Variants in RUNX1T1 observed in about 807,000 individuals in gnomAD.
The protein encoded by RUNX1T1 is RUNX1 partner transcriptional co-repressor 1.
In RUNX1T1, 4 loss-of-function variants were observed where a neutral mutation model predicts 62.8. The ratio of observed to expected loss-of-function variants is 0.06; its 90% CI spans 0.03 to 0.15. The LOEUF (loss-of-function observed/expected upper bound fraction) is 0.15, where lower values mean the gene tolerates loss of function less well. Ranked by LOEUF, RUNX1T1 falls within the 10% of genes least tolerant of loss-of-function variation. The probability of loss-of-function intolerance (pLI) is 1.00; values close to 1 mark genes in which losing one functional copy is unlikely to be tolerated. For missense variants in RUNX1T1, 508 were observed against 754.3 expected, an observed-to-expected ratio of 0.67 and a Z score of 3.82; for synonymous variants, 291 against 286.0, an observed-to-expected ratio of 1.02 and a Z score of -0.18.
rs117566667 is a variant in RUNX1T1 at position 91,967,203 on chromosome 8, C to T, written c.1458+3455G>A. Among the ~76,000 whole-genome samples, 242 of 152,248 alleles carry T rather than the reference C, an allele frequency of 1.6e-3. 3 individuals carry two copies. In the East Asian group the frequency reaches 0.036, roughly 22 times the overall value. ...TCAGAGTTAAACACTCATCGTAGGT[C>T]GTCTTATTTCATCTCAGGCAAAACA... is the stretch of plus-strand genomic sequence containing the variant. On this transcript the variant is annotated intron_variant, in intron 10 of 10. Transcript: ENST00000396218.
chr8:91,959,438 G>A (rs868482529), exon 11 of RUNX1T1: 2,263 of 120,590 alleles, frequency 0.019, 193 homozygotes, highest in East Asian at 0.17. Flanking sequence ...GTGTGTGTGT[G>A]TGTGTGTGTG....
chr8:91,978,709 C>A (rs1234234750), intron 8 of RUNX1T1, among the ~76,000 whole-genome samples: 1 of 152,144 alleles, frequency 6.6e-6, no homozygotes, highest in South Asian at 2.1e-4. Flanking sequence ...TTTACTTGAG[C>A]CTCACCCATG....
chr8:92,050,975 C>T (rs910675973), intron 1 of RUNX1T1, among the ~76,000 whole-genome samples: 8 of 152,184 alleles, frequency 5.3e-5, no homozygotes, highest in Non-Finnish European at 8.8e-5. Flanking sequence ...CATCACTCAG[C>T]TCTCAGCAAA....
chr8:92,057,817 G>C (rs1455690710), intron 1 of RUNX1T1, among the ~76,000 whole-genome samples: 1 of 152,050 alleles, frequency 6.6e-6, no homozygotes, highest in Non-Finnish European at 1.5e-5. Flanking sequence ...TCTAGATATG[G>C]TTAGCTATCA....
At chr8:92,006,037 A>C (rs1820707142) in intron 4 of RUNX1T1, 2 of 146,772 alleles carry the variant, frequency 1.4e-5, no homozygotes. Context: ...TGTTAGAAGA[A>C]ATCCTGTATA....
chr8:92,007,358 G>A (rs560303792), intron 4 of RUNX1T1, among the ~76,000 whole-genome samples: 27 of 151,936 alleles, frequency 1.8e-4, no homozygotes, highest in African/African-American at 5.8e-4. Flanking sequence ...TCCCAGCTAC[G>A]TGGGAGTCTG....
chr8:92,028,284 A>G lies in RUNX1T1; in HGVS notation c.8-10921T>C, dbSNP rs908409103. ...TCCTTAAGACAGTTCAATAGAGCAA[A>G]TGGTGGTTCTGGACAGAAAAATAAT... On this transcript the variant is annotated intron_variant, in intron 1 of 10. Transcript: ENST00000396218. Among the ~76,000 whole-genome samples the G allele has an allele frequency of 8.6e-5, 13 of 151,974 alleles. 1 individual carries two copies. Among genetic ancestry groups the G allele is most frequent in the Non-Finnish European group, 1.0e-4 (7 of 67,984 alleles).
chr8:92,026,579 TG>T (rs1563788231), intron 1 of RUNX1T1, among the ~76,000 whole-genome samples: 1 of 152,208 alleles, frequency 6.6e-6, no homozygotes, highest in African/African-American at 2.4e-5. Context: ...CCCAGTACTT[TG>T]GGAGGCTGAG....
chr8:91,996,491 G>C (rs1377906188), intron 5 of RUNX1T1, among the ~76,000 whole-genome samples: 2 of 152,172 alleles, frequency 1.3e-5, no homozygotes, highest in Non-Finnish European at 2.9e-5. Flanking sequence ...GTGAGCCACA[G>C]CGCCCGGCTT....
intron 1 of RUNX1T1, among the ~76,000 whole-genome samples, chr8:92,041,662 A>G (rs1485912156): frequency 6.6e-6 from 1 of 152,128 alleles, no homozygotes; most frequent in Non-Finnish European, 1.5e-5. Flanking sequence ...GAATCACTTG[A>G]ACCCAGGCAG....
exon 1 of RUNX1T1, chr8:92,062,831 C>G (rs1220830078): frequency 7.0e-7 from 1 of 1,431,234 alleles, no homozygotes; most frequent in Non-Finnish European, 9.1e-7. Context: ...AGAACAATGA[C>G]AGGGATGTGT....
At chr8:92,102,897 C>G (rs1401810551), upstream of RUNX1T1, 1 of 1,518,116 alleles carries the variant, frequency 6.6e-7, no homozygotes, top group East Asian at 2.6e-5. The surrounding 1 kb of genome is among the most constrained non-coding windows in gnomAD (Gnocchi z 4.5). Context: ...GCCACAGGCT[C>G]CGAGCTGCAA....
At chr8:92,018,090 T>C (rs886648686) in intron 1 of RUNX1T1, among the ~76,000 whole-genome samples, 3 of 152,164 alleles carry the variant, frequency 2.0e-5, no homozygotes, top group African/African-American at 7.2e-5. Context: ...TAAAAAGAAC[T>C]AGACACTGCT....
intron 1 of RUNX1T1, among the ~76,000 whole-genome samples, chr8:92,019,798 T>C (rs1321891915): frequency 6.6e-6 from 1 of 152,132 alleles, no homozygotes; most frequent in Admixed American, 6.5e-5. Context: ...GGTATATTCA[T>C]AATTTTGATT....
chr8:92,017,255 G>A (rs1372820725), exon 2 of RUNX1T1: 1 of 1,613,750 alleles, frequency 6.2e-7, no homozygotes, highest in Non-Finnish European at 8.5e-7. Context: ...ACTGGTTCTT[G>A]GAGCTCCTTG....
intron 8 of RUNX1T1, among the ~76,000 whole-genome samples, chr8:91,984,637 T>A (rs868620828): frequency 1.3e-5 from 2 of 152,206 alleles, no homozygotes; most frequent in Middle Eastern, 6.3e-3. Context: ...TCCCTAAGTT[T>A]TATTTACTTT....
chr8:91,997,882 C>T (rs956420937), intron 5 of RUNX1T1, among the ~76,000 whole-genome samples: 2 of 152,172 alleles, frequency 1.3e-5, no homozygotes, highest in Non-Finnish European at 2.9e-5. Context: ...TAAGACCAGG[C>T]ATTGAAGACT....
At chr8:92,099,878 G>A (rs1837959623), upstream of RUNX1T1, among the ~76,000 whole-genome samples, 1 of 152,076 alleles carries the variant, frequency 6.6e-6, no homozygotes, top group African/African-American at 2.4e-5. Context: ...TTTGGCTACG[G>A]TTCGATTTGA....
intron 1 of RUNX1T1, among the ~76,000 whole-genome samples, chr8:92,055,175 T>TG (rs1403429637): frequency 1.3e-5 from 2 of 152,152 alleles, no homozygotes; most frequent in African/African-American, 4.8e-5. Context: ...CAAGATGTTT[T>TG]GGGAAAAAGT....
Sources: allele counts gnomAD v4.1 joint callset (sites outside exome capture counted in the v4.1 genomes callset), GRCh38; gene constraint gnomAD v4.1.1; non-coding constraint Gnocchi (gnomAD v3.1); transcripts MANE v1.5; gene names NCBI Gene and HGNC (gene_info 2026-07-23, HGNC 2026-07-21).